DOCK9: variants seen among roughly 807,000 people sequenced by gnomAD.
DOCK9 encodes dedicator of cytokinesis 9, also known as dedicator of cytokinesis protein 9.
DOCK9 carries 89 observed loss-of-function variants against 263.3 expected under a neutral mutation model. The observed-to-expected ratio is 0.34, with a 90% CI of 0.28 to 0.40. The LOEUF is 0.40. DOCK9 is among the 10% of genes least tolerant of loss of function. The pLI, the probability that DOCK9 is intolerant of heterozygous loss-of-function variation, is 1.00. For missense variants in DOCK9, 2,140 were observed against 2,603.4 expected (o/e 0.82, Z 3.87); for synonymous variants, 976 against 973.1 (o/e 1.00, Z -0.06).
chr13:99,045,966 T>C (rs1566350179), intron 1 of DOCK9, among the ~76,000 whole-genome samples: 1 of 151,024 alleles, frequency 6.6e-6, no homozygotes, highest in Non-Finnish European at 1.5e-5. Context: ...CCGGGTTTGA[T>C]GGCACGTGCC....
chr13:98,905,835 T>C (rs534739129), intron 9 of DOCK9, among the ~76,000 whole-genome samples: 1 of 151,552 alleles, frequency 6.6e-6, no homozygotes, highest in East Asian at 1.9e-4. Flanking sequence ...TCCTGCAACC[T>C]TTTAGGTAAG....
chr13:99,017,134 T>C (rs1885519564), intron 1 of DOCK9, among the ~76,000 whole-genome samples: 1 of 152,162 alleles, frequency 6.6e-6, no homozygotes, highest in African/African-American at 2.4e-5. Flanking sequence ...GATGACCCTC[T>C]GGGGTCTAGA....
At chr13:98,924,022 G>C (rs1331863321) in intron 4 of DOCK9, among the ~76,000 whole-genome samples, 1 of 152,160 alleles carries the variant, frequency 6.6e-6, no homozygotes, top group South Asian at 2.1e-4. Flanking sequence ...AATGCCAAGA[G>C]AGAAAATGTA....
intron 36 of DOCK9, 24 bp from the exon 37 acceptor site, chr13:98,848,663 T>G: frequency 6.2e-7 from 1 of 1,605,594 alleles, no homozygotes; most frequent in Non-Finnish European, 8.5e-7. Flanking sequence ...GAAAAATTAT[T>G]AGGGAAATGC....
intron 39 of DOCK9, among the ~76,000 whole-genome samples, chr13:98,835,732 TC>T (rs1456442497): frequency 4.4e-5 from 5 of 114,660 alleles, no homozygotes; most frequent in Non-Finnish European, 6.8e-5. Context: ...TCTTTACAAC[TC>T]TTTTTTTTTT....
In DOCK9 at chr13:98,849,242, C is replaced by T. The variant is rs1049105664; in HGVS notation, c.4014-603G>A. Among the ~76,000 whole-genome samples, 5 of 152,024 alleles carry T rather than the reference C, an allele frequency of 3.3e-5. 1 individual carries two copies. Among genetic ancestry groups the T allele is most frequent in the African/African-American group, 4.8e-5 (2 of 41,378 alleles). ...AGAGGTCAGGAGACTATGAGCCAAG[C>T]GTCCACTGAGGGCCAGGCCCACAGT... On this transcript the variant is annotated intron_variant, in intron 36 of 52. Coordinates refer to ENST00000682017, the MANE Select transcript of DOCK9 (RefSeq NM_001366683.2).
At chr13:99,039,030 C>A (rs185882842) in intron 1 of DOCK9, among the ~76,000 whole-genome samples, 1 of 152,192 alleles carries the variant, frequency 6.6e-6, no homozygotes, top group Non-Finnish European at 1.5e-5. Flanking sequence ...CGCCTACTTT[C>A]CTAGAGAATT....
In DOCK9 at chr13:99,038,461, C is replaced by T. The variant is rs868543975; in HGVS notation, c.129+47762G>A. On this transcript the variant is annotated intron_variant, in intron 1 of 32. Transcript: ENST00000427887. Reference sequence around the variant, plus strand: ...CTGGGATTACAGGCACCCACCACCACGCCCGGCTAACTTTCTGTATTTTTA... The same window carrying T: ...CTGGGATTACAGGCACCCACCACCATGCCCGGCTAACTTTCTGTATTTTTA... Among the ~76,000 whole-genome samples, 4 of 151,818 alleles carry T rather than the reference C, an allele frequency of 2.6e-5. No homozygotes were observed. In the South Asian group the frequency reaches 8.3e-4, roughly 32 times the overall value.
chr13:98,962,807 C>T (rs2058790317), intron 1 of DOCK9, among the ~76,000 whole-genome samples: 1 of 152,122 alleles, frequency 6.6e-6, no homozygotes, highest in South Asian at 2.1e-4. Flanking sequence ...AAACAGACAG[C>T]TGCTTATACC....
intron 39 of DOCK9, among the ~76,000 whole-genome samples, chr13:98,833,980 T>TA (rs1305386962): frequency 6.6e-6 from 1 of 152,280 alleles, no homozygotes; most frequent in East Asian, 1.9e-4. Flanking sequence ...TCTATCTTTT[T>TA]ATCCCTATAA....
intron 1 of DOCK9, among the ~76,000 whole-genome samples, chr13:99,016,812 G>T (rs1885473946): frequency 2.0e-5 from 3 of 152,142 alleles, no homozygotes; most frequent in Non-Finnish European, 4.4e-5. Flanking sequence ...AATCTGCTCT[G>T]ATATTATTCC....
At chr13:98,916,957 A>C (rs1382783682) in intron 7 of DOCK9, among the ~76,000 whole-genome samples, 1 of 152,220 alleles carries the variant, frequency 6.6e-6, no homozygotes, top group Non-Finnish European at 1.5e-5. Context: ...ATAAGTAATA[A>C]TTTTTAAAAA....
intron 1 of DOCK9, among the ~76,000 whole-genome samples, chr13:98,962,365 T>C (rs1595680514): frequency 1.3e-5 from 2 of 152,238 alleles, no homozygotes; most frequent in South Asian, 4.1e-4. Context: ...TTTTCAAATG[T>C]TGAATTATTT....
chr13:98,802,195 C>T (rs1053192174), intron 49 of DOCK9, among the ~76,000 whole-genome samples: 4 of 152,206 alleles, frequency 2.6e-5, no homozygotes, highest in Non-Finnish European at 1.5e-5. Flanking sequence ...ACACAGATCA[C>T]GTTCTACCAC....
At chr13:98,999,189 A>G (rs558667892) in intron 1 of DOCK9, among the ~76,000 whole-genome samples, 2 of 152,138 alleles carry the variant, frequency 1.3e-5, no homozygotes, top group South Asian at 4.1e-4. Flanking sequence ...AGTCTTTCCA[A>G]CTAATTAATC....
At chr13:98,883,470 C>A (rs1192104250) in intron 22 of DOCK9, among the ~76,000 whole-genome samples, 1 of 152,160 alleles carries the variant, frequency 6.6e-6, no homozygotes, top group Non-Finnish European at 1.5e-5. Flanking sequence ...TGGTCTCAAA[C>A]CCCTGGGCTA....
At chr13:98,922,963 C>T (rs2140114766) in intron 5 of DOCK9, among the ~76,000 whole-genome samples, 1 of 152,278 alleles carries the variant, frequency 6.6e-6, no homozygotes, top group South Asian at 2.1e-4. Flanking sequence ...TACTGGCTGG[C>T]AGCTGTTTCG....
chr13:98,933,577 A>G (rs186271452), intron 2 of DOCK9, among the ~76,000 whole-genome samples: 28 of 152,372 alleles, frequency 1.8e-4, no homozygotes, highest in African/African-American at 6.3e-4. Context: ...CTGACCAGAC[A>G]GAGCCCTTTT....
chr13:99,043,893 G>A (rs1448123876), intron 1 of DOCK9, among the ~76,000 whole-genome samples: 1 of 152,032 alleles, frequency 6.6e-6, no homozygotes, highest in Non-Finnish European at 1.5e-5. Flanking sequence ...GGACAATACT[G>A]GTGTGACCAT....
Sources: gnomAD v4.1 joint callset for allele counts (sites outside exome capture counted in the v4.1 genomes callset) on GRCh38, gnomAD v4.1.1 for gene constraint, MANE v1.5 for transcripts, NCBI Gene and HGNC (gene_info 2026-07-23, HGNC 2026-07-21) for gene names.